Variants in MTR observed in about 807,000 individuals in gnomAD.
The protein encoded by MTR is methionine synthase.
In MTR, 84 loss-of-function variants were observed where a neutral mutation model predicts 154.8. The ratio of observed to expected loss-of-function variants is 0.54; its 90% CI spans 0.45 to 0.65. MTR has a LOEUF of 0.65. MTR is among the 30% of genes least tolerant of loss of function. MTR has a pLI of 0.00. For synonymous variants in MTR, 554 were observed against 553.9 expected, an observed-to-expected ratio of 1.00 and a Z score of 0.00; for missense variants, 1,275 against 1,570.2, an observed-to-expected ratio of 0.81 and a Z score of 3.18.
chr1:236,885,230 G>T lies in MTR; in HGVS notation c.2775+11G>T, dbSNP rs1665950837. ...TATGAGTCTCTCAAGGTAAGTGGTA[G>T]AAACAGATTTTTGCTTGTTTTTAAT... On this transcript the variant is annotated intron_variant, in intron 26 of 32. Coordinates refer to ENST00000366577, the MANE Select transcript of MTR (RefSeq NM_000254.3). 6.6e-7 allele frequency: 1 copy of T among 1,511,196 alleles called. No individual in the cohort carries two copies. The highest frequency in any genetic ancestry group is 1.4e-5 in the African/African-American group (1 of 72,738). 93.6% of individuals were successfully genotyped at this position (1,511,196 alleles called of 1,614,324 possible).
intron 27 of MTR, among the ~76,000 whole-genome samples, chr1:236,888,317 C>T (rs1272162908): frequency 6.6e-6 from 1 of 152,218 alleles, no homozygotes; most frequent in Non-Finnish European, 1.5e-5. Context: ...GCAGACCACA[C>T]TACAGTCTGG....
At position 236,889,296 on chromosome 1, in the gene MTR, G is replaced by A. The variant is rs775753008; in HGVS notation, c.2967G>A (p.Pro989=). The part of the protein sequence containing the change: ...FDVWQLRGKY[P]NRGFPKIFND... The stretch of plus-strand genomic sequence containing the variant: ...TCTGGCAGCTCCGGGGCAAGTACCC[G>A]AATCGAGGCTTTCCCAAGATATTTA... Residue 989 remains proline, a synonymous_variant, in exon 28 of 33, where the codon CCG becomes CCA. Transcript: ENST00000366577. The A allele has an allele frequency of 5.6e-6, 9 of 1,614,088 alleles. No individual in the cohort carries two copies. The highest frequency in any genetic ancestry group is 4.5e-5 in the East Asian group (2 of 44,888).
intron 18 of MTR, among the ~76,000 whole-genome samples, chr1:236,859,465 C>T (rs1169087289): frequency 1.3e-5 from 2 of 152,158 alleles, no homozygotes; most frequent in East Asian, 3.8e-4. Context: ...GGCCTCCCTG[C>T]ATCTGTTTTT....
At position 236,812,797 on chromosome 1, in the gene MTR, G is replaced by A; in HGVS notation, c.562G>A (p.Val188Ile). ...EQAKGLLDGG[V>I]DILLIETIFD... ...GGCCAAAGGACTTCTGGATGGCGGG[G>A]TTGATATCTTACTCATTGAAACTAT... is the stretch of plus-strand genomic sequence containing the variant. Residue 188 changes from valine to isoleucine, a missense_variant, in exon 6 of 33, where the codon GTT becomes ATT. By Grantham distance (29) the Val-to-Ile change is conservative. Transcript: ENST00000366577. 1 of 1,614,134 alleles carries A rather than the reference G, an allele frequency of 6.2e-7. No individual in the cohort carries two copies. Among genetic ancestry groups the A allele is most frequent in the Non-Finnish European group, 8.5e-7 (1 of 1,179,998 alleles).
intron 15 of MTR, among the ~76,000 whole-genome samples, chr1:236,844,617 G>C (rs1454337190): frequency 2.0e-5 from 3 of 152,110 alleles, no homozygotes; most frequent in African/African-American, 4.8e-5. Flanking sequence ...CTTGTGAGTT[G>C]AGAGAGATGG....
chr1:236,844,706 TAA>T (rs1663469221), intron 15 of MTR, among the ~76,000 whole-genome samples: 2 of 151,952 alleles, frequency 1.3e-5, no homozygotes, highest in Non-Finnish European at 2.9e-5. Flanking sequence ...GAAGGCAGAG[TAA>T]AGAGTGCAGA....
rs753262198 is a variant in MTR at position 236,891,156 on chromosome 1, G to A, written c.3031G>A (p.Asp1011Asn). The stretch of plus-strand genomic sequence containing the variant: ...AGGTGGAGAGGCCAGGAAGGTCTAC[G>A]ATGATGCCCACAATATGCTGAACAC... Reference protein sequence around the residue: ...TVGGEARKVYDDAHNMLNTLI... With the variant: ...TVGGEARKVYNDAHNMLNTLI... The change falls in exon 29 of 33, where the codon GAT (aspartate) becomes AAT (asparagine). Residue 1011 changes from aspartate to asparagine, a missense_variant. Asp to Asn is a conservative substitution (Grantham distance 23, BLOSUM62 1). Coordinates refer to ENST00000366577, the MANE Select transcript of MTR (RefSeq NM_000254.3). 1.2e-5 allele frequency: 20 copies of A among 1,614,042 alleles called. No homozygotes were observed. The highest frequency in any genetic ancestry group is 5.3e-5 in the African/African-American group (4 of 74,916).
intron 30 of MTR, 65 bp downstream of exon 30, chr1:236,894,622 G>T (rs1487235893): frequency 6.4e-7 from 1 of 1,571,690 alleles, no homozygotes; most frequent in East Asian, 2.2e-5. Flanking sequence ...GCCTGGGGTG[G>T]GTGCCTGAAG....
At chr1:236,826,703 GT>G (rs767809372) in intron 10 of MTR, 125 bp from the exon 11 acceptor site, 19 of 767,262 alleles carry the variant, frequency 2.5e-5, no homozygotes, top group Non-Finnish European at 4.0e-5. Flanking sequence ...AGTTAAGTAT[GT>G]TTGACTCTCT....
In MTR at chr1:236,803,499, G is replaced by A; in HGVS notation, c.106G>A (p.Gly36Arg). The A allele has an allele frequency of 6.2e-7, 1 of 1,614,182 alleles. No homozygotes were observed. The highest frequency in any genetic ancestry group is 8.5e-7 in the Non-Finnish European group (1 of 1,180,018). Reference sequence around the variant, plus strand: ...GAAGAGGATTATGGTGCTGGATGGAGGGATGGGGACCATGATCCAGCGGGA... The same window carrying A: ...GAAGAGGATTATGGTGCTGGATGGAAGGATGGGGACCATGATCCAGCGGGA... ...LQKRIMVLDG[G>R]MGTMIQREKL... The change falls in exon 2 of 33, where the codon GGG becomes AGG. Residue 36 changes from glycine to arginine, a missense_variant. By Grantham distance (125) the Gly-to-Arg change is moderately radical. Coordinates refer to ENST00000366577, the MANE Select transcript of MTR (RefSeq NM_000254.3).
chr1:236,839,632 A>G (rs575191146), intron 15 of MTR, among the ~76,000 whole-genome samples: 1 of 152,224 alleles, frequency 6.6e-6, no homozygotes, highest in Non-Finnish European at 1.5e-5. Flanking sequence ...TTTATACTTC[A>G]CATAACTTTG....
rs1031850553 is a variant in MTR, at chr1:236,844,467, T to A, written c.1515+5868T>A. ...TTCAGAAAGGGCGTGTGTGTGTGTG[T>A]GTGTGTGTGTGTGTGTGTGTGTGTG... is the stretch of plus-strand genomic sequence containing the variant. On this transcript the variant is annotated intron_variant, in intron 15 of 32. Transcript: ENST00000366577. 5.4e-3 allele frequency among the ~76,000 whole-genome samples: 135 copies of A among 24,910 alleles called. 1 individual carries two copies. In the South Asian group the frequency reaches 0.068, roughly 12 times the overall value. The allele number at this position is 24,910 out of a possible 152,430, so 16.3% of individuals were successfully genotyped here.
intron 13 of MTR, among the ~76,000 whole-genome samples, chr1:236,832,367 T>TA (rs1662660576): frequency 1.3e-5 from 2 of 152,230 alleles, no homozygotes; most frequent in African/African-American, 4.8e-5. Context: ...TGAAATAAGT[T>TA]AAAAAATTTG....
At chr1:236,802,039 T>TA (rs148242516) in intron 1 of MTR, among the ~76,000 whole-genome samples, 1 of 152,092 alleles carries the variant, frequency 6.6e-6, no homozygotes, top group African/African-American at 2.4e-5. Flanking sequence ...GCCTGTGTAG[T>TA]AAGGGGTTGA....
At chr1:236,849,932 A>C (rs948838297) in intron 15 of MTR, among the ~76,000 whole-genome samples, 2 of 152,180 alleles carry the variant, frequency 1.3e-5, no homozygotes, top group Non-Finnish European at 2.9e-5. Context: ...AGGTCAAGAG[A>C]GGAAGGGGCA....
intron 27 of MTR, 23 bp from the exon 28 acceptor site, chr1:236,889,158 A>G (rs185697957): frequency 2.5e-6 from 4 of 1,614,030 alleles, no homozygotes; most frequent in Admixed American, 3.3e-5. Context: ...GTCAGCATTG[A>G]CAACCATACT....
intron 22 of MTR, among the ~76,000 whole-genome samples, chr1:236,873,561 T>TA (rs1332532037): frequency 6.6e-6 from 1 of 152,238 alleles, no homozygotes; most frequent in Non-Finnish European, 1.5e-5. Flanking sequence ...TAAAGCTGCT[T>TA]AAAAGCAAGC....
At chr1:236,820,122 A>T (rs1661840075) in intron 8 of MTR, 1 of 767,098 alleles carries the variant, frequency 1.3e-6, no homozygotes, top group Non-Finnish European at 2.4e-6. Context: ...TTGCCATTGC[A>T]TGCAACAAGG....
Position 236,901,067 on chromosome 1 carries a change from G to T in MTR, c.*3423G>T. The stretch of plus-strand genomic sequence containing the variant: ...ATGAGGAGAAGAGAATCTGGAGGAG[G>T]AGGAGGGGGAGCCAGCAGGGGAGCA... On this transcript the variant is annotated 3_prime_UTR_variant, in exon 33 of 33. Coordinates refer to ENST00000366577, the MANE Select transcript of MTR (RefSeq NM_000254.3). 1 of 153,564 alleles carries T rather than the reference G, an allele frequency of 6.5e-6. No individual in the cohort carries two copies. The highest frequency in any genetic ancestry group is 1.5e-5 in the Non-Finnish European group (1 of 68,402). 9.5% of individuals were successfully genotyped at this position (153,564 alleles called of 1,614,324 possible).
Sources: allele counts gnomAD v4.1 joint callset (sites outside exome capture counted in the v4.1 genomes callset), GRCh38; gene constraint gnomAD v4.1.1; transcripts MANE v1.5; gene names NCBI Gene and HGNC (gene_info 2026-07-23, HGNC 2026-07-21).